Variants in UGT2A1 observed in about 807,000 individuals in gnomAD.
UGT2A1 encodes UDP-glucuronosyltransferase 2A1.
Under a neutral mutation model 45.4 loss-of-function variants are expected in UGT2A1, and 61 were observed. The observed-to-expected ratio is 1.34, with a 90% confidence interval of 1.09 to 1.66. UGT2A1 has a LOEUF of 1.66. UGT2A1 is among the 40% of genes most tolerant of loss of function. The probability of loss-of-function intolerance (pLI) is 0.00; values close to 1 mark genes in which losing one functional copy is unlikely to be tolerated. For missense variants in UGT2A1, 649 were observed against 574.3 expected, an observed-to-expected ratio of 1.13 and a Z score of -1.33; for synonymous variants, 229 against 196.2, an observed-to-expected ratio of 1.17 and a Z score of -1.40.
At chr4:69,630,103 G>C (rs868675877) in intron 3 of UGT2A1, among the ~76,000 whole-genome samples, 1 of 151,894 alleles carries the variant, frequency 6.6e-6, no homozygotes, top group African/African-American at 2.4e-5. Context: ...TATATTAAAA[G>C]ATTATATTAA....
chr4:69,614,129 T>C (rs1720232600), intron 3 of UGT2A1, among the ~76,000 whole-genome samples: 1 of 152,024 alleles, frequency 6.6e-6, no homozygotes, highest in Non-Finnish European at 1.5e-5. Context: ...ATTCAGTAGT[T>C]CCAGGACACA....
At chr4:69,649,937 G>A (rs994096557) in intron 1 of UGT2A1, among the ~76,000 whole-genome samples, 7 of 152,052 alleles carry the variant, frequency 4.6e-5, no homozygotes, top group African/African-American at 1.7e-4. Context: ...GAGAGGGAGT[G>A]GGTGGAGTTG....
chr4:69,596,965 A>C (rs1489709445), intron 4 of UGT2A1, among the ~76,000 whole-genome samples: 1 of 152,206 alleles, frequency 6.6e-6, no homozygotes, highest in Non-Finnish European at 1.5e-5. Context: ...GCTAACTGAA[A>C]TTGTTACCCC....
intron 3 of UGT2A1, among the ~76,000 whole-genome samples, chr4:69,607,374 A>G (rs1719700867): frequency 6.6e-6 from 1 of 151,636 alleles, no homozygotes. Flanking sequence ...ATATGTAGAA[A>G]GCTGAACCTG....
At chr4:69,599,691 A>C (rs1719149344) in intron 3 of UGT2A1, 1 of 193,656 alleles carries the variant, frequency 5.2e-6, no homozygotes, top group Non-Finnish European at 1.0e-5. Flanking sequence ...GGTAGAAATA[A>C]AGAAAGAGAG....
chr4:69,627,342 C>G (rs1560486624), intron 3 of UGT2A1, among the ~76,000 whole-genome samples: 1 of 151,726 alleles, frequency 6.6e-6, no homozygotes, highest in Non-Finnish European at 1.5e-5. Context: ...AGCATTAAAA[C>G]AGTACTACTA....
chr4:69,621,221 A>G (rs771378043), intron 3 of UGT2A1, among the ~76,000 whole-genome samples: 1 of 152,080 alleles, frequency 6.6e-6, no homozygotes, highest in Non-Finnish European at 1.5e-5. Context: ...AATCTACAGA[A>G]TGAGAGAAAA....
chr4:69,632,885 C>CAAA (rs199639033), intron 3 of UGT2A1, among the ~76,000 whole-genome samples: 12 of 87,600 alleles, frequency 1.4e-4, no homozygotes, highest in African/African-American at 4.0e-4. Flanking sequence ...AAGACTCGGT[C>CAAA]AAAAAAAAAA....
At chr4:69,618,187 ATGTGTGTG>A (rs72430246) in intron 3 of UGT2A1, among the ~76,000 whole-genome samples, 19 of 144,466 alleles carry the variant, frequency 1.3e-4, no homozygotes, top group East Asian at 4.1e-4. Flanking sequence ...GCCAGTAAGC[ATGTGTGTG>A]TGTGTGTGTG....
At chr4:69,591,228 A>G (rs1192787314) in intron 6 of UGT2A1, among the ~76,000 whole-genome samples, 2 of 152,200 alleles carry the variant, frequency 1.3e-5, no homozygotes, top group Admixed American at 6.6e-5. Flanking sequence ...GGAAGTCCTG[A>G]GTATATGTGC....
intron 2 of UGT2A1, among the ~76,000 whole-genome samples, chr4:69,638,095 A>C (rs1202477852): frequency 6.6e-6 from 1 of 152,116 alleles, no homozygotes; most frequent in Non-Finnish European, 1.5e-5. Context: ...GAAAGTCAAA[A>C]GGTATGTAAA....
intron 3 of UGT2A1, among the ~76,000 whole-genome samples, chr4:69,609,226 C>T (rs1424266624): frequency 6.6e-6 from 1 of 151,146 alleles, no homozygotes; most frequent in Non-Finnish European, 1.5e-5. Flanking sequence ...CAACACAGCT[C>T]ACTGCAGCCT....
intron 2 of UGT2A1, among the ~76,000 whole-genome samples, chr4:69,636,246 G>A (rs1352664156): frequency 3.9e-5 from 6 of 152,128 alleles, no homozygotes; most frequent in African/African-American, 1.4e-4. Context: ...AATTTGACAT[G>A]TTGTTAGCTC....
chr4:69,595,670 A>C (rs1424137747), intron 4 of UGT2A1, among the ~76,000 whole-genome samples: 4 of 152,184 alleles, frequency 2.6e-5, no homozygotes, highest in African/African-American at 9.6e-5. Context: ...TGTAGAGATA[A>C]AAATTAAGGT....
At chr4:69,639,033 G>C (rs185641136) in intron 2 of UGT2A1, 1 of 1,613,194 alleles carries the variant, frequency 6.2e-7, no homozygotes, top group African/African-American at 1.3e-5. Context: ...TAAGGCTGCC[G>C]GTACATAGGA....
At chr4:69,627,788 A>G (rs1241864941) in intron 3 of UGT2A1, among the ~76,000 whole-genome samples, 1 of 151,998 alleles carries the variant, frequency 6.6e-6, no homozygotes, top group Admixed American at 6.6e-5. Flanking sequence ...AAATATTAAT[A>G]TCACATTGAA....
At chr4:69,622,396 A>G (rs1720804782) in intron 3 of UGT2A1, among the ~76,000 whole-genome samples, 2 of 151,860 alleles carry the variant, frequency 1.3e-5, no homozygotes, top group Non-Finnish European at 2.9e-5. Flanking sequence ...AAAAATACGA[A>G]TTATTTAATT....
rs878883723 is a variant in UGT2A1, at chr4:69,647,512, T to A, written c.133A>T (p.Lys45Ter). ...NVKIIIDELI[K>*]KEHNVTVLVA... ...AGGACAGTCACATTATGCTCCTTTTTAATGAGCTCATCTATAATTATCTTA... is the reference window on the plus strand; with the variant it reads ...AGGACAGTCACATTATGCTCCTTTTAAATGAGCTCATCTATAATTATCTTA... The change falls in exon 2 of 7, where the codon AAA (lysine) becomes TAA (stop). Residue 45 changes from lysine to a stop codon, truncating the protein, a stop_gained. Coordinates refer to ENST00000286604, the MANE Select transcript of UGT2A1 (RefSeq NM_001252275.3). LOFTEE classifies it high-confidence loss of function. The A allele has an allele frequency of 6.2e-7, 1 of 1,613,028 alleles. No individual in the cohort carries two copies. The highest frequency in any genetic ancestry group is 1.1e-5 in the South Asian group (1 of 91,006).
chr4:69,604,252 G>A (rs1719468633), intron 3 of UGT2A1, among the ~76,000 whole-genome samples: 1 of 136,458 alleles, frequency 7.3e-6, no homozygotes, highest in Admixed American at 7.2e-5. Context: ...AAGACAGTGG[G>A]GACCAATATT....
Sources: allele counts gnomAD v4.1 joint callset (sites outside exome capture counted in the v4.1 genomes callset), GRCh38; gene constraint gnomAD v4.1.1; transcripts MANE v1.5; gene names NCBI Gene and HGNC (gene_info 2026-07-23, HGNC 2026-07-21).